Variants in KDM4C observed in about 807,000 individuals in gnomAD.
The protein encoded by KDM4C is lysine demethylase 4C.
In KDM4C, 81 loss-of-function variants were observed where a neutral mutation model predicts 129.3. The observed-to-expected ratio is 0.63, with a 90% CI of 0.52 to 0.75. The LOEUF (loss-of-function observed/expected upper bound fraction) is 0.75. Ranked by LOEUF, KDM4C falls within the 30% of genes least tolerant of loss-of-function variation. KDM4C has a pLI of 0.00. For synonymous variants in KDM4C, 573 were observed against 456.1 expected (o/e 1.26, Z -3.26); for missense variants, 1,457 against 1,304.0 (o/e 1.12, Z -1.81).
intron 15 of KDM4C, among the ~76,000 whole-genome samples, chr9:7,041,676 G>C (rs1828630080): frequency 6.6e-6 from 1 of 151,954 alleles, no homozygotes; most frequent in African/African-American, 2.4e-5. Context: ...CTACAGTGGG[G>C]TGAAGTCAAT....
intron 15 of KDM4C, among the ~76,000 whole-genome samples, chr9:7,016,162 C>T (rs1823627481): frequency 1.3e-5 from 2 of 150,842 alleles, no homozygotes; most frequent in African/African-American, 2.4e-5. Flanking sequence ...GAGTCTCTCT[C>T]TGTCGCCCAG....
chr9:7,160,615 T>A (rs7850863), intron 19 of KDM4C, among the ~76,000 whole-genome samples: 7,035 of 152,266 alleles, frequency 0.046, 218 homozygotes, highest in East Asian at 0.11. Flanking sequence ...TGGAGTTTGC[T>A]GGAGGTCCAC....
At chr9:6,914,951 C>T (rs143626240) in intron 8 of KDM4C, among the ~76,000 whole-genome samples, 1 of 152,224 alleles carries the variant, frequency 6.6e-6, no homozygotes, top group African/African-American at 2.4e-5. Flanking sequence ...CCCAAATGTA[C>T]TAAGACAGAG....
chr9:6,748,784 C>A (rs10975818), intron 1 of KDM4C: 349,680 of 1,396,624 alleles, frequency 0.25, 48,937 homozygotes, highest in African/African-American at 0.48. Context: ...ACTTTGTTTT[C>A]GAATGAATCT....
At chr9:6,969,970 A>C (rs955360513) in intron 8 of KDM4C, among the ~76,000 whole-genome samples, 7 of 152,170 alleles carry the variant, frequency 4.6e-5, no homozygotes, top group African/African-American at 1.7e-4. Flanking sequence ...AGCTACCGAC[A>C]CATTCCCACT....
chr9:6,961,972 C>T (rs1195490651), intron 8 of KDM4C, among the ~76,000 whole-genome samples: 1 of 152,142 alleles, frequency 6.6e-6, no homozygotes, highest in Non-Finnish European at 1.5e-5. Flanking sequence ...TTCACAAGTT[C>T]ATTTATAAAT....
intron 19 of KDM4C, among the ~76,000 whole-genome samples, chr9:7,151,934 G>A (rs1056757386): frequency 2.6e-5 from 4 of 152,166 alleles, no homozygotes; most frequent in African/African-American, 9.7e-5. Context: ...CACAGAATTG[G>A]TTCTTTCGTT....
chr9:6,842,312 CTTTTTTTTTTTTT>C (rs759138371), intron 4 of KDM4C, among the ~76,000 whole-genome samples: 5 of 97,874 alleles, frequency 5.1e-5, no homozygotes, highest in Admixed American at 3.6e-4. Flanking sequence ...ATCCACATTT[CTTTTTTTTTTTTT>C]TTTTTTTTTG....
intron 14 of KDM4C, among the ~76,000 whole-genome samples, chr9:7,015,036 C>T (rs1228641161): frequency 1.3e-5 from 2 of 151,832 alleles, no homozygotes; most frequent in Admixed American, 1.3e-4. Flanking sequence ...AATGTAGCAG[C>T]TATGCAGTGT....
At chr9:7,107,899 G>C (rs541806452) in intron 18 of KDM4C, among the ~76,000 whole-genome samples, 1 of 152,270 alleles carries the variant, frequency 6.6e-6, no homozygotes, top group East Asian at 1.9e-4. Flanking sequence ...ACTAGCACTT[G>C]GCTATCCATA....
intron 17 of KDM4C, among the ~76,000 whole-genome samples, chr9:7,073,611 TG>T (rs1055552128): frequency 6.4e-4 from 98 of 152,378 alleles, no homozygotes; most frequent in African/African-American, 2.3e-3. Context: ...CCCTGTTTTT[TG>T]TTTGTTTTAC....
intron 17 of KDM4C, among the ~76,000 whole-genome samples, chr9:7,050,563 A>C (rs966271299): frequency 2.7e-4 from 41 of 151,354 alleles, no homozygotes; most frequent in African/African-American, 9.9e-4. Flanking sequence ...TTGGTGTGAC[A>C]AATATTAACA....
At chr9:7,095,651 C>T (rs1836336244) in intron 17 of KDM4C, among the ~76,000 whole-genome samples, 1 of 151,884 alleles carries the variant, frequency 6.6e-6, no homozygotes, top group Non-Finnish European at 1.5e-5. Flanking sequence ...TTATAGTTTC[C>T]AACATTAATT....
At chr9:6,781,847 C>A (rs1455491974) in intron 1 of KDM4C, among the ~76,000 whole-genome samples, 2 of 147,792 alleles carry the variant, frequency 1.4e-5, no homozygotes, top group Non-Finnish European at 3.0e-5. Context: ...TGAGACAGAA[C>A]CTCACTCTTG....
At chr9:6,979,278 A>G (rs1161826634) in intron 8 of KDM4C, among the ~76,000 whole-genome samples, 1 of 152,190 alleles carries the variant, frequency 6.6e-6, no homozygotes, top group Non-Finnish European at 1.5e-5. Context: ...CATTATATGT[A>G]ACCAATAATA....
At chr9:6,752,272 G>C (rs575903557) in intron 1 of KDM4C, among the ~76,000 whole-genome samples, 1 of 127,884 alleles carries the variant, frequency 7.8e-6, no homozygotes, top group Non-Finnish European at 1.6e-5. Flanking sequence ...GGCGGAGCTT[G>C]CAGTGAGTCG....
At chr9:6,989,775 TTTAC>T (rs1413225406) in intron 11 of KDM4C, among the ~76,000 whole-genome samples, 1 of 151,916 alleles carries the variant, frequency 6.6e-6, no homozygotes, top group East Asian at 1.9e-4. Flanking sequence ...CAATCTTAGA[TTTAC>T]TTATTTATTT....
chr9:7,003,775 A>G (rs34829694), intron 12 of KDM4C, among the ~76,000 whole-genome samples: 3 of 152,184 alleles, frequency 2.0e-5, no homozygotes, highest in Non-Finnish European at 2.9e-5. Context: ...ACAGCTTTAT[A>G]AATGTTTGAA....
At position 6,806,866 on chromosome 9, in the gene KDM4C, C is replaced by CTCTCCGTCTCCG. The variant is rs529750174; in HGVS notation, c.320+1098_320+1109dup. 8.8e-4 allele frequency among the ~76,000 whole-genome samples: 127 copies of CTCTCCGTCTCCG among 143,582 alleles called. 6 individuals carry two copies. Among genetic ancestry groups the CTCTCCGTCTCCG allele is most frequent in the African/African-American group, 3.3e-3 (120 of 36,432 alleles). The allele number at this position is 143,582 out of a possible 152,430, so 94.2% of individuals were successfully genotyped here. On this transcript the variant is annotated intron_variant, in intron 3 of 21. Transcript: ENST00000381309. ...CAGAAGTGACACACTGTTGCTCTCC[C>CTCTCCGTCTCCG]TCTCCGTCTCCGTCTCCCTCTCCCT...
Sources: gnomAD v4.1 joint callset for allele counts (sites outside exome capture counted in the v4.1 genomes callset) on GRCh38, gnomAD v4.1.1 for gene constraint, MANE v1.5 for transcripts, NCBI Gene and HGNC (gene_info 2026-07-23, HGNC 2026-07-21) for gene names.